Variants in CDH13 observed in about 807,000 individuals in gnomAD.
The protein encoded by CDH13 is cadherin-13.
A neutral mutation model predicts 63.8 loss-of-function variants in CDH13; 24 were observed. The observed-to-expected ratio is 0.38, with a 90% CI of 0.27 to 0.53. The LOEUF is 0.53. Ranked by LOEUF, CDH13 falls within the 20% of genes least tolerant of loss-of-function variation. The probability of loss-of-function intolerance (pLI) is 0.85; values close to 1 mark genes in which losing one functional copy is unlikely to be tolerated. For synonymous variants in CDH13, 503 were observed against 355.3 expected (o/e 1.42, Z -4.67); for missense variants, 1,049 against 903.1 (o/e 1.16, Z -2.07).
chr16:82,627,874 C>G (rs1907534396), intron 1 of CDH13, among the ~76,000 whole-genome samples: 1 of 152,264 alleles, frequency 6.6e-6, no homozygotes, highest in Non-Finnish European at 1.5e-5. Context: ...CGGCCAGATC[C>G]CGGGCTGCCG....
At chr16:83,508,411 C>G (rs1319505858) in intron 7 of CDH13, 4 of 154,026 alleles carry the variant, frequency 2.6e-5, no homozygotes, top group African/African-American at 4.8e-5. Context: ...AGAGCAGTGA[C>G]TGTTGATGGC....
intron 5 of CDH13, among the ~76,000 whole-genome samples, chr16:83,231,726 C>G (rs2040002498): frequency 6.6e-6 from 1 of 152,150 alleles, no homozygotes; most frequent in Admixed American, 6.5e-5. Context: ...CTCTGCCCCT[C>G]TACAGAAAAA....
chr16:83,074,066 A>T (rs973434469), intron 3 of CDH13, among the ~76,000 whole-genome samples: 1 of 152,134 alleles, frequency 6.6e-6, no homozygotes, highest in Non-Finnish European at 1.5e-5. Context: ...ACCGTACTTT[A>T]CTATTAACAT....
intron 10 of CDH13, among the ~76,000 whole-genome samples, chr16:83,683,747 T>C (rs1320946671): frequency 1.3e-5 from 2 of 151,970 alleles, no homozygotes; most frequent in East Asian, 1.9e-4. Context: ...AATACTTTGG[T>C]TGAGCAAAAG....
At chr16:82,726,471 A>T (rs1183536948) in intron 1 of CDH13, among the ~76,000 whole-genome samples, 1 of 152,256 alleles carries the variant, frequency 6.6e-6, no homozygotes. Context: ...TTTACAAGAT[A>T]AAAACCATTC....
At position 83,778,285 on chromosome 16, in the gene CDH13, A is replaced by G. The variant is rs141394267; in HGVS notation, c.1682-1683A>G. Among the ~76,000 whole-genome samples, 1,316 of 152,292 alleles carry G rather than the reference A, an allele frequency of 8.6e-3. 11 individuals are homozygous for G. Among genetic ancestry groups the G allele is most frequent in the East Asian group, 0.037 (191 of 5,184 alleles). ...TGGCTCATGCCTGTAATCCCAACAC[A>G]TTGGGAGGCCGAGGCAGGTGGATCA... On this transcript the variant is annotated intron_variant, in intron 11 of 13. Coordinates refer to ENST00000567109, the MANE Select transcript of CDH13 (RefSeq NM_001257.5).
chr16:83,005,225 G>T (rs1913362457), intron 2 of CDH13, among the ~76,000 whole-genome samples: 1 of 152,182 alleles, frequency 6.6e-6, no homozygotes, highest in Non-Finnish European at 1.5e-5. Context: ...TTCACAGCTG[G>T]ACATTGCTGG....
At chr16:83,631,336 C>A (rs966183270) in intron 8 of CDH13, among the ~76,000 whole-genome samples, 1 of 136,872 alleles carries the variant, frequency 7.3e-6, no homozygotes, top group African/African-American at 2.8e-5. Context: ...GGGCTTTAAT[C>A]AGATTTTGAG....
At chr16:83,579,605 T>A (rs1039909613) in intron 7 of CDH13, among the ~76,000 whole-genome samples, 1 of 151,966 alleles carries the variant, frequency 6.6e-6, no homozygotes, top group African/African-American at 2.4e-5. Flanking sequence ...TCCTCCCACA[T>A]TGGGGATTAC....
chr16:82,772,411 T>C (rs1468210389), intron 1 of CDH13, among the ~76,000 whole-genome samples: 1 of 152,116 alleles, frequency 6.6e-6, no homozygotes, highest in Non-Finnish European at 1.5e-5. Flanking sequence ...AGCTGCAATA[T>C]GGTAGGAAAC....
intron 4 of CDH13, among the ~76,000 whole-genome samples, chr16:83,170,100 A>G (rs905679767): frequency 2.6e-5 from 4 of 152,138 alleles, no homozygotes; most frequent in African/African-American, 4.8e-5. Context: ...AATACATACA[A>G]CAATTTACTT....
intron 10 of CDH13, among the ~76,000 whole-genome samples, chr16:83,736,707 A>C (rs973850456): frequency 5.9e-5 from 9 of 152,200 alleles, no homozygotes; most frequent in African/African-American, 2.2e-4. Context: ...CCCTGGAAAT[A>C]AATCTGCAAA....
chr16:83,169,218 C>T (rs975912109), intron 4 of CDH13, among the ~76,000 whole-genome samples: 1 of 150,684 alleles, frequency 6.6e-6, no homozygotes, highest in Non-Finnish European at 1.5e-5. Context: ...CACTTTGTCG[C>T]CAGGCTGGAG....
intron 7 of CDH13, among the ~76,000 whole-genome samples, chr16:83,546,103 A>G (rs935822904): frequency 1.3e-5 from 2 of 152,210 alleles, no homozygotes; most frequent in Non-Finnish European, 2.9e-5. Flanking sequence ...GTGAAGAGTG[A>G]TATTTGATGA....
At chr16:82,748,715 T>G (rs1187125807) in intron 1 of CDH13, among the ~76,000 whole-genome samples, 1 of 152,192 alleles carries the variant, frequency 6.6e-6, no homozygotes, top group Non-Finnish European at 1.5e-5. Flanking sequence ...CCTAGAGAGC[T>G]GGGGTACACG....
intron 1 of CDH13, among the ~76,000 whole-genome samples, chr16:82,828,068 G>C (rs1380318812): frequency 6.6e-6 from 1 of 152,152 alleles, no homozygotes; most frequent in Non-Finnish European, 1.5e-5. Context: ...AGGTTAGAGA[G>C]GAAGCACTTT....
At chr16:82,910,928 A>G (rs1445652186) in intron 2 of CDH13, among the ~76,000 whole-genome samples, 2 of 152,160 alleles carry the variant, frequency 1.3e-5, no homozygotes, top group African/African-American at 4.8e-5. Flanking sequence ...CAGTGAGCAA[A>G]GAACATGACA....
intron 2 of CDH13, among the ~76,000 whole-genome samples, chr16:82,940,448 G>A (rs1416115405): frequency 1.3e-5 from 2 of 152,088 alleles, no homozygotes; most frequent in African/African-American, 4.8e-5. Context: ...TGTGGTTGTT[G>A]CTGTTGTCCT....
At chr16:83,520,521 T>A (rs1386649189) in intron 7 of CDH13, among the ~76,000 whole-genome samples, 1 of 152,160 alleles carries the variant, frequency 6.6e-6, no homozygotes, top group African/African-American at 2.4e-5. Context: ...TTGAATATTG[T>A]GAATAATATG....
Sources: allele counts gnomAD v4.1 joint callset (sites outside exome capture counted in the v4.1 genomes callset), GRCh38; gene constraint gnomAD v4.1.1; transcripts MANE v1.5; gene names NCBI Gene and HGNC (gene_info 2026-07-23, HGNC 2026-07-21).